The following ATXN7 variants were observed in gnomAD, a reference collection of about 807,000 sequenced individuals.
ATXN7 encodes the protein ataxin 7, also known as ataxin-7.
Under a neutral mutation model 70.5 loss-of-function variants are expected in ATXN7, and 12 were observed. The observed-to-expected ratio is 0.17, with a 90% CI of 0.11 to 0.28. The LOEUF is 0.28. ATXN7 is among the 10% of genes least tolerant of loss of function. The pLI, the probability that ATXN7 is intolerant of heterozygous loss-of-function variation, is 1.00. For synonymous variants in ATXN7, 498 were observed against 448.7 expected (o/e 1.11, Z -1.39); for missense variants, 1,256 against 1,131.7 (o/e 1.11, Z -1.58).
chr3:63,960,719 G>C (rs1575954330), intron 5 of ATXN7, among the ~76,000 whole-genome samples: 1 of 152,244 alleles, frequency 6.6e-6, no homozygotes, highest in East Asian at 1.9e-4. Flanking sequence ...CTTTCAGTTT[G>C]TATATGGGCA....
chr3:63,888,869 C>G (rs1703174210), intron 1 of ATXN7, among the ~76,000 whole-genome samples: 2 of 152,166 alleles, frequency 1.3e-5, no homozygotes, highest in African/African-American at 2.4e-5. Flanking sequence ...CTCCTGGCAG[C>G]TGCTAATCGG....
At chr3:63,986,224 G>T (rs189242065) in intron 8 of ATXN7, among the ~76,000 whole-genome samples, 1 of 152,306 alleles carries the variant, frequency 6.6e-6, no homozygotes, top group African/African-American at 2.4e-5. Context: ...GAGGTACGCG[G>T]GACCAAAGGA....
intron 11 of ATXN7, among the ~76,000 whole-genome samples, chr3:63,992,434 T>C (rs1202761740): frequency 1.3e-5 from 2 of 152,110 alleles, no homozygotes; most frequent in Non-Finnish European, 2.9e-5. Context: ...AATCTCAACT[T>C]CATATTTCTT....
At chr3:63,907,905 A>G (rs1252454132) in intron 2 of ATXN7, among the ~76,000 whole-genome samples, 1 of 152,092 alleles carries the variant, frequency 6.6e-6, no homozygotes, top group African/African-American at 2.4e-5. Context: ...TTATATTATA[A>G]TTTATTATTA....
At chr3:63,927,560 T>G (rs1228947523) in intron 4 of ATXN7, among the ~76,000 whole-genome samples, 1 of 152,206 alleles carries the variant, frequency 6.6e-6, no homozygotes, top group Non-Finnish European at 1.5e-5. Flanking sequence ...CCTGGTATTC[T>G]TTTTTGATTG....
intron 11 of ATXN7, among the ~76,000 whole-genome samples, chr3:63,994,052 G>C (rs1215988938): frequency 6.6e-6 from 1 of 152,108 alleles, no homozygotes; most frequent in Non-Finnish European, 1.5e-5. Flanking sequence ...CTCCACATTA[G>C]AATCCCCTGG....
intron 8 of ATXN7, among the ~76,000 whole-genome samples, chr3:63,983,307 T>C (rs182954278): frequency 1.3e-3 from 202 of 152,362 alleles, no homozygotes; most frequent in African/African-American, 4.4e-3. Flanking sequence ...TTAAAAACTT[T>C]TAATATTTCC....
intron 4 of ATXN7, among the ~76,000 whole-genome samples, chr3:63,914,486 A>G (rs781493981): frequency 6.6e-5 from 10 of 152,222 alleles, no homozygotes; most frequent in Non-Finnish European, 1.2e-4. Flanking sequence ...TGATGTTGCA[A>G]TATGAAAAAT....
At chr3:63,921,222 A>G (rs1028887386) in intron 4 of ATXN7, among the ~76,000 whole-genome samples, 2 of 152,216 alleles carry the variant, frequency 1.3e-5, no homozygotes, top group African/African-American at 2.4e-5. Flanking sequence ...AAAAAGCACT[A>G]GTTCATTATC....
chr3:63,954,856 A>G (rs1028646032), intron 5 of ATXN7, among the ~76,000 whole-genome samples: 2 of 151,522 alleles, frequency 1.3e-5, no homozygotes, highest in African/African-American at 4.8e-5. Flanking sequence ...TTACAGGTGC[A>G]TGCCACTATG....
chr3:63,980,129 G>A lies in ATXN7; in HGVS notation c.714G>A (p.Met238Ile), dbSNP rs189133753. ...KLQLRGNTRP[M>I]HPIQQSRVPH... The stretch of plus-strand genomic sequence containing the variant: ...AGCTCAGGGGGAACACCAGGCCAAT[G>A]CATCCCATTCAGCAAAGTAGAGTTC... The change falls in exon 6 of 13, where the codon ATG becomes ATA. Residue 238 changes from methionine to isoleucine, a missense_variant. Met to Ile is a conservative substitution (Grantham distance 10, BLOSUM62 1). Coordinates refer to ENST00000674280, the MANE Select transcript of ATXN7 (RefSeq NM_001377405.1). 1.2e-6 allele frequency: 2 copies of A among 1,614,216 alleles called. No individual in the cohort carries two copies. The highest frequency in any genetic ancestry group is 1.3e-5 in the African/African-American group (1 of 75,056).
rs775924720 is a variant in ATXN7, at chr3:63,967,888, A to G, written c.500-12027A>G. The G allele has an allele frequency of 4.8e-5, 74 of 1,535,796 alleles. No individual in the cohort carries two copies. In the African/African-American group the frequency reaches 8.1e-4, roughly 17 times the overall value. On this transcript the variant is annotated intron_variant, in intron 5 of 12. Coordinates refer to ENST00000674280, the MANE Select transcript of ATXN7 (RefSeq NM_001377405.1). The stretch of plus-strand genomic sequence containing the variant: ...GCAAGCCTGCAGTAGCAAGTGTGCA[A>G]TGAAGCACAACCAAATTCTGTGAAT...
At chr3:63,939,484 T>C (rs1313137583) in intron 4 of ATXN7, among the ~76,000 whole-genome samples, 3 of 152,154 alleles carry the variant, frequency 2.0e-5, no homozygotes, top group Non-Finnish European at 2.9e-5. Context: ...ACTGATGATA[T>C]TATCCTTCAT....
intron 11 of ATXN7, among the ~76,000 whole-genome samples, chr3:63,993,196 GTCC>G (rs1001977950): frequency 1.3e-5 from 2 of 151,102 alleles, no homozygotes; most frequent in African/African-American, 4.9e-5. Context: ...TGAACTACTT[GTCC>G]TCTGTTGATT....
At chr3:63,992,708 T>G (rs2075691446) in intron 11 of ATXN7, among the ~76,000 whole-genome samples, 1 of 152,178 alleles carries the variant, frequency 6.6e-6, no homozygotes, top group South Asian at 2.1e-4. Context: ...GCTGCCTACT[T>G]GCTTCCGGGG....
chr3:63,999,243 A>T (rs1029240714), intron 12 of ATXN7: 23 of 538,746 alleles, frequency 4.3e-5, no homozygotes, highest in East Asian at 3.0e-4. Context: ...CTAGAAGTGA[A>T]TCTTTGCAAT....
chr3:63,923,375 A>G (rs1704576644), intron 4 of ATXN7, among the ~76,000 whole-genome samples: 1 of 152,090 alleles, frequency 6.6e-6, no homozygotes, highest in Non-Finnish European at 1.5e-5. Flanking sequence ...TAAATACACA[A>G]ATATTTCCAA....
In ATXN7 at chr3:63,864,159, G is replaced by C. The variant is rs1702329230; in HGVS notation, c.-111+1G>C. The stretch of plus-strand genomic sequence containing the variant: ...CCCGGAGGCCGCAGCCAGCCGCCAG[G>C]TGAGCTCGCCCGGACGCCGCCAGGG... On this transcript the variant is annotated splice_donor_variant, in intron 1 of 12. Transcript: ENST00000674280. LOFTEE classifies it low-confidence loss of function (5UTR_SPLICE). 6.7e-6 allele frequency among the ~76,000 whole-genome samples: 1 copy of C among 150,162 alleles called. No homozygotes were observed. Among genetic ancestry groups the C allele is most frequent in the African/African-American group, 2.4e-5 (1 of 41,112 alleles).
chr3:63,889,232 A>G (rs1410508596), intron 1 of ATXN7, among the ~76,000 whole-genome samples: 3 of 152,202 alleles, frequency 2.0e-5, no homozygotes, highest in Admixed American at 1.3e-4. Context: ...CATCCTATCA[A>G]CAAAGTAGAT....
Sources: gnomAD v4.1 joint callset for allele counts (sites outside exome capture counted in the v4.1 genomes callset) on GRCh38, gnomAD v4.1.1 for gene constraint, MANE v1.5 for transcripts, NCBI Gene and HGNC (gene_info 2026-07-23, HGNC 2026-07-21) for gene names.